The following ZFAT variants were observed in gnomAD, a reference collection of about 807,000 sequenced individuals.
The protein encoded by ZFAT is zinc finger and AT-hook domain containing.
ZFAT carries 64 observed loss-of-function variants against 117.7 expected under a neutral mutation model. The ratio of observed to expected loss-of-function variants is 0.54; its 90% CI spans 0.44 to 0.67. The LOEUF (loss-of-function observed/expected upper bound fraction) is 0.67, where lower values mean the gene tolerates loss of function less well. Among genes scored for constraint, ZFAT ranks in the 30% least tolerant of loss-of-function variants. The pLI, the probability that ZFAT is intolerant of heterozygous loss-of-function variation, is 0.00. For synonymous variants in ZFAT, 679 were observed against 615.0 expected (o/e 1.10, Z -1.54); for missense variants, 1,433 against 1,584.5 (o/e 0.90, Z 1.62).
At chr8:134,593,603 G>A (rs1177631473) in intron 7 of ZFAT, among the ~76,000 whole-genome samples, 2 of 152,230 alleles carry the variant, frequency 1.3e-5, no homozygotes, top group Non-Finnish European at 2.9e-5. Flanking sequence ...GAAGGGAGAT[G>A]CTGCACGAAG....
intron 1 of ZFAT, among the ~76,000 whole-genome samples, chr8:134,707,995 G>A (rs775904977): frequency 2.0e-5 from 3 of 151,538 alleles, no homozygotes; most frequent in Non-Finnish European, 4.4e-5. Flanking sequence ...TATACACAAC[G>A]GAATATTATT....
chr8:134,624,108 T>C lies in ZFAT; in HGVS notation c.448+13353A>G, dbSNP rs534045770. 2.6e-5 allele frequency among the ~76,000 whole-genome samples: 4 copies of C among 151,960 alleles called. No individual in the cohort carries two copies. The East Asian group carries it at 7.8e-4, about 30-fold the overall frequency. On this transcript the variant is annotated intron_variant, in intron 3 of 15. Coordinates refer to ENST00000377838, the MANE Select transcript of ZFAT (RefSeq NM_020863.4). ...GCGCTCGGTGCCTCTGATGCACTCATGAATGACCCACAGGAGGGCTCAAAA... is the reference window on the plus strand; with the variant it reads ...GCGCTCGGTGCCTCTGATGCACTCACGAATGACCCACAGGAGGGCTCAAAA...
chr8:134,653,092 T>C (rs1024986700), intron 2 of ZFAT, among the ~76,000 whole-genome samples: 11 of 151,110 alleles, frequency 7.3e-5, no homozygotes, highest in African/African-American at 2.4e-4. Flanking sequence ...AATTAGGACA[T>C]ACAAATAATA....
chr8:134,628,390 G>A (rs535612904), intron 3 of ZFAT, among the ~76,000 whole-genome samples: 27 of 152,250 alleles, frequency 1.8e-4, no homozygotes, highest in Middle Eastern at 3.4e-3. Flanking sequence ...AGCAGGCAGC[G>A]GCTAGGTCCT....
the ZFAT span, among the ~76,000 whole-genome samples, chr8:134,832,011 G>A: frequency 4.2e-4 from 62 of 148,152 alleles, no homozygotes; most frequent in African/African-American, 1.5e-3. Flanking sequence ...CGGGCGAGGA[G>A]GCCGCCGGCC....
At chr8:134,605,593 A>G (rs1827826540) in intron 5 of ZFAT, among the ~76,000 whole-genome samples, 2 of 152,114 alleles carry the variant, frequency 1.3e-5, no homozygotes, top group Non-Finnish European at 2.9e-5. Flanking sequence ...CAGAACTTTA[A>G]GAGGTCCTAC....
chr8:134,663,195 C>A (rs1832028475), intron 1 of ZFAT, among the ~76,000 whole-genome samples: 1 of 152,222 alleles, frequency 6.6e-6, no homozygotes, highest in Non-Finnish European at 1.5e-5. Context: ...TTCCCAGAAG[C>A]AACCGAAGTG....
chr8:134,611,901 C>T (rs1171865700), intron 3 of ZFAT, among the ~76,000 whole-genome samples: 1 of 15,112 alleles, frequency 6.6e-5, no homozygotes, highest in East Asian at 2.0e-3. Context: ...GGGAACGTGT[C>T]AGCCACAGAA....
At chr8:134,556,045 A>G (rs1823584327) in intron 11 of ZFAT, among the ~76,000 whole-genome samples, 1 of 86,076 alleles carries the variant, frequency 1.2e-5, no homozygotes, top group African/African-American at 4.3e-5. Flanking sequence ...GGAAGGAAGG[A>G]AGGAAGGAAG....
At chr8:134,763,690 G>T in the ZFAT span, among the ~76,000 whole-genome samples, 3 of 152,102 alleles carry the variant, frequency 2.0e-5, no homozygotes, top group Non-Finnish European at 4.4e-5. Context: ...CATAGAAGTT[G>T]CCTCCCTAAA....
At chr8:134,782,508 A>C in the ZFAT span, among the ~76,000 whole-genome samples, 4 of 152,198 alleles carry the variant, frequency 2.6e-5, no homozygotes, top group African/African-American at 4.8e-5. Flanking sequence ...ATACATGAAA[A>C]TATTAATTAA....
At chr8:134,525,618 G>T (rs1820973597) in intron 12 of ZFAT, among the ~76,000 whole-genome samples, 1 of 152,100 alleles carries the variant, frequency 6.6e-6, no homozygotes, top group African/African-American at 2.4e-5. Context: ...TCTATTATTG[G>T]GGTTTCTGTT....
chr8:134,600,210 A>C, intron 7 of ZFAT: 1 of 564,400 alleles, frequency 1.8e-6, no homozygotes, highest in East Asian at 3.0e-5. Context: ...AAAAATTTGC[A>C]CAGGAAACAA....
chr8:134,807,578 A>G, the ZFAT span, among the ~76,000 whole-genome samples: 1 of 152,172 alleles, frequency 6.6e-6, no homozygotes, highest in Non-Finnish European at 1.5e-5. Flanking sequence ...GAACTCTGAA[A>G]TAAGGCAGGG....
Position 134,602,315 on chromosome 8 carries a change from G to C in ZFAT, c.1404C>G (p.Val468=). ...YVCAVCRKKF[V]SSIRLRTHIK... Reference sequence around the variant, plus strand: ...TGTGGGTGCGCAGCCTGATGGAGCTGACGAACTTCTTGCGGCAGACGGCAC... The same window carrying C: ...TGTGGGTGCGCAGCCTGATGGAGCTCACGAACTTCTTGCGGCAGACGGCAC... Residue 468 remains valine (V), a synonymous_variant, in exon 6 of 16, where the codon GTC becomes GTG. Coordinates refer to ENST00000377838, the MANE Select transcript of ZFAT (RefSeq NM_020863.4). The C allele has an allele frequency of 6.2e-7, 1 of 1,613,974 alleles. No individual in the cohort carries two copies. Among genetic ancestry groups the C allele is most frequent in the Non-Finnish European group, 8.5e-7 (1 of 1,180,062 alleles).
chr8:134,618,514 C>T (rs570300161), intron 3 of ZFAT, among the ~76,000 whole-genome samples: 7 of 152,254 alleles, frequency 4.6e-5, no homozygotes, highest in Non-Finnish European at 8.8e-5. Flanking sequence ...TCAAGTCTGC[C>T]TCTTCAGTTT....
At chr8:134,565,696 A>G (rs1193809777) in intron 10 of ZFAT, 1 of 542,990 alleles carries the variant, frequency 1.8e-6, no homozygotes, top group Non-Finnish European at 3.3e-6. Flanking sequence ...GCTCCTAAAG[A>G]AAGAGTAAGG....
the ZFAT span, chr8:134,784,887 AATGTG>A: frequency 6.6e-6 from 1 of 152,138 alleles, no homozygotes; most frequent in Non-Finnish European, 1.5e-5. Context: ...ACAACACATC[AATGTG>A]ATTTCCAGTT....
chr8:134,818,640 T>C, the ZFAT span, among the ~76,000 whole-genome samples: 1 of 152,236 alleles, frequency 6.6e-6, no homozygotes, highest in Non-Finnish European at 1.5e-5. Flanking sequence ...CAAAGACATG[T>C]ACATACATAT....
Sources: allele counts gnomAD v4.1 joint callset (sites outside exome capture counted in the v4.1 genomes callset), GRCh38; gene constraint gnomAD v4.1.1; transcripts MANE v1.5; gene names NCBI Gene and HGNC (gene_info 2026-07-23, HGNC 2026-07-21).